CYP2C8: variants seen among roughly 807,000 people sequenced by gnomAD.
The protein encoded by CYP2C8 is cytochrome P450 2C8.
In CYP2C8, 51 loss-of-function variants were observed where a neutral mutation model predicts 41.3. The ratio of observed to expected loss-of-function variants is 1.24; its 90% CI spans 0.99 to 1.56. The LOEUF is 1.56. Ranked by LOEUF, CYP2C8 falls within the 40% of genes most tolerant of loss-of-function variation. CYP2C8 has a pLI of 0.00. For missense variants in CYP2C8, 651 were observed against 579.9 expected, an observed-to-expected ratio of 1.12 and a Z score of -1.26; for synonymous variants, 218 against 205.8, an observed-to-expected ratio of 1.06 and a Z score of -0.51.
intron 4 of CYP2C8, among the ~76,000 whole-genome samples, chr10:95,062,951 AT>A (rs750750186): frequency 6.6e-6 from 1 of 152,212 alleles, no homozygotes; most frequent in Non-Finnish European, 1.5e-5. Flanking sequence ...TTCTTTAAGA[AT>A]GTTGAATATT....
At chr10:95,038,809 G>T in intron 8 of CYP2C8, 88 bp downstream of exon 8, 1 of 1,243,484 alleles carries the variant, frequency 8.0e-7, no homozygotes, top group Non-Finnish European at 1.2e-6. Flanking sequence ...AATTCTACCA[G>T]CCCCAGAGGA....
chr10:95,058,930 C>T (rs549737787), intron 4 of CYP2C8, among the ~76,000 whole-genome samples: 2 of 151,994 alleles, frequency 1.3e-5, no homozygotes, highest in Non-Finnish European at 2.9e-5. Flanking sequence ...ATGCTGAGAA[C>T]GATGGTTTCT....
intron 6 of CYP2C8, among the ~76,000 whole-genome samples, chr10:95,043,405 A>C (rs1373581757): frequency 6.6e-6 from 1 of 152,186 alleles, no homozygotes. Flanking sequence ...AAACAATCAA[A>C]TATGTATTAT....
At chr10:95,059,621 T>C (rs1359171397) in intron 4 of CYP2C8, among the ~76,000 whole-genome samples, 5 of 152,242 alleles carry the variant, frequency 3.3e-5, no homozygotes, top group Non-Finnish European at 5.9e-5. Flanking sequence ...GTAGTTTCTT[T>C]TGCTTTGCAG....
At chr10:95,066,113 C>A (rs933934891) in intron 3 of CYP2C8, among the ~76,000 whole-genome samples, 2 of 93,936 alleles carry the variant, frequency 2.1e-5, no homozygotes, top group Admixed American at 1.1e-4. Flanking sequence ...ATTTGGGAAG[C>A]CTTGGTGAGA....
intron 4 of CYP2C8, 28 bp from the exon 5 acceptor site, chr10:95,058,539 A>T (rs2033357258): frequency 2.6e-6 from 4 of 1,560,074 alleles, no homozygotes; most frequent in Non-Finnish European, 3.5e-6. Flanking sequence ...ATTAAATATA[A>T]ACATGTCATA....
rs11572073 is a variant in CYP2C8, at chr10:95,067,728, G to A, written c.169-37C>T. ...AATGCAAATAGCAGCAAAATAAGTC[G>A]CTATTTGCTCCAAATACTATGTATG... On this transcript the variant is annotated intron_variant, in intron 1 of 8. Transcript: ENST00000371270. 5.7e-3 allele frequency: 9,068 copies of A among 1,599,772 alleles called. 406 individuals are homozygous for A. In the African/African-American group the frequency reaches 0.099, roughly 17 times the overall value.
chr10:95,038,909 G>T lies in CYP2C8; in HGVS notation c.1279C>A (p.Pro427Thr), dbSNP rs756095494. ...GNFKKSDYFM[P>T]FSAGKRICAG... ...GAGTTTCTATTACCTGCTGAGAAAG[G>T]CATGAAGTAGTCACTTTTCTTAAAG... The change falls in exon 8 of 9, where the codon CCT becomes ACT. Residue 427 changes from proline (P) to threonine (T), a missense_variant. Pro to Thr is a conservative substitution (Grantham distance 38). Coordinates refer to ENST00000371270, the MANE Select transcript of CYP2C8 (RefSeq NM_000770.3). 1.2e-5 allele frequency: 19 copies of T among 1,613,884 alleles called. No individual in the cohort carries two copies. The highest frequency in any genetic ancestry group is 1.6e-5 in the Non-Finnish European group (19 of 1,179,778).
In CYP2C8 at chr10:95,042,995, A is replaced by G; in HGVS notation, c.1044T>C (p.Thr348=). The stretch of plus-strand genomic sequence containing the variant: ...TCTGGATCTCGTGCACTACAGCATC[A>G]GTGTAAGGCATGTGGCTCCTATCCT... The part of the protein sequence containing the change: ...CMQDRSHMPY[T]DAVVHEIQRY... Residue 348 remains threonine (T), a synonymous_variant, in exon 7 of 9, where the codon ACT becomes ACC. Transcript: ENST00000371270. The G allele has an allele frequency of 3.7e-6, 6 of 1,614,168 alleles. No individual in the cohort carries two copies. The highest frequency in any genetic ancestry group is 5.1e-6 in the Non-Finnish European group (6 of 1,179,962).
intron 6 of CYP2C8, 24 bp downstream of exon 6, chr10:95,045,785 CT>C (rs757226727): frequency 6.2e-7 from 1 of 1,613,782 alleles, no homozygotes; most frequent in South Asian, 1.1e-5. Flanking sequence ...CTGAAATTCA[CT>C]TTGTTCATCA....
intron 7 of CYP2C8, chr10:95,041,076 T>A (rs573560811): frequency 1.6e-4 from 70 of 426,006 alleles, no homozygotes; most frequent in Non-Finnish European, 2.6e-4. Context: ...TTATGTATAT[T>A]TAGTGAGGGA....
Position 95,067,329 on chromosome 10 carries a change from C to T in CYP2C8, c.360G>A (p.Trp120Ter), listed in dbSNP as rs1354192764. ...TGAGGGAGAAACGCCGGATCTCCTT[C>T]CATCTCTTTCCATTGCTGGAAATGA... ...LGIISSNGKR[W>*]KEIRRFSLTT... Residue 120 changes from tryptophan (W) to a stop codon, truncating the protein, a stop_gained, in exon 3 of 9, where the codon TGG becomes TGA. Transcript: ENST00000371270. LOFTEE classifies it high-confidence loss of function. 5.6e-6 allele frequency: 9 copies of T among 1,613,510 alleles called. No homozygotes were observed. Among genetic ancestry groups the T allele is most frequent in the South Asian group, 1.1e-5 (1 of 91,036 alleles).
At chr10:95,038,447 C>G (rs2134405113) in intron 8 of CYP2C8, among the ~76,000 whole-genome samples, 1 of 152,316 alleles carries the variant, frequency 6.6e-6, no homozygotes, top group Admixed American at 6.5e-5. Context: ...TACTCTTCTT[C>G]CCTAACTCAA....
At chr10:95,067,099 C>A in intron 3 of CYP2C8, 109 bp downstream of exon 3, 1 of 1,491,782 alleles carries the variant, frequency 6.7e-7, no homozygotes, top group South Asian at 1.1e-5. Flanking sequence ...TGAGGGCTGA[C>A]AACCAGGATG....
chr10:95,058,008 AATATTG>A (rs1346894815), intron 5 of CYP2C8, among the ~76,000 whole-genome samples: 8 of 152,186 alleles, frequency 5.3e-5, no homozygotes, highest in Non-Finnish European at 1.0e-4. Flanking sequence ...ATCTATGTGC[AATATTG>A]ATATTCATCT....
At chr10:95,049,613 G>A (rs2033177835) in intron 5 of CYP2C8, among the ~76,000 whole-genome samples, 1 of 152,114 alleles carries the variant, frequency 6.6e-6, no homozygotes, top group Non-Finnish European at 1.5e-5. Flanking sequence ...GTTTCTACAA[G>A]CCTCATCACT....
At chr10:95,066,592 C>T (rs1489027222) in intron 3 of CYP2C8, among the ~76,000 whole-genome samples, 4 of 152,100 alleles carry the variant, frequency 2.6e-5, no homozygotes, top group African/African-American at 9.7e-5. Flanking sequence ...TGACAGTTTT[C>T]AAATAGTACT....
At chr10:95,064,189 T>C (rs1276961371) in intron 4 of CYP2C8, among the ~76,000 whole-genome samples, 4 of 152,192 alleles carry the variant, frequency 2.6e-5, no homozygotes, top group African/African-American at 9.6e-5. Context: ...TGCAGAGGTT[T>C]CTGCTGCCTT....
intron 5 of CYP2C8, 142 bp downstream of exon 5, chr10:95,058,193 C>T (rs2033347569): frequency 5.6e-6 from 7 of 1,238,970 alleles, no homozygotes; most frequent in Admixed American, 2.0e-5. Flanking sequence ...TAGTGCAGGC[C>T]CATAAATACA....
Sources: gnomAD v4.1 joint callset for allele counts (sites outside exome capture counted in the v4.1 genomes callset) on GRCh38, gnomAD v4.1.1 for gene constraint, MANE v1.5 for transcripts, NCBI Gene and HGNC (gene_info 2026-07-23, HGNC 2026-07-21) for gene names.